Variants in CDH4 observed in about 807,000 individuals in gnomAD.
The protein encoded by CDH4 is cadherin 4, also known as cadherin-4.
A neutral mutation model predicts 86.0 loss-of-function variants in CDH4; 33 were observed. The observed-to-expected ratio is 0.38, with a 90% CI of 0.29 to 0.51. The LOEUF (loss-of-function observed/expected upper bound fraction) is 0.51. CDH4 is among the 20% of genes least tolerant of loss of function. The pLI is 0.86. For missense variants in CDH4, 1,114 were observed against 1,307.4 expected, an observed-to-expected ratio of 0.85 and a Z score of 2.28; for synonymous variants, 555 against 549.4, an observed-to-expected ratio of 1.01 and a Z score of -0.14.
intron 7 of CDH4, among the ~76,000 whole-genome samples, chr20:61,876,164 T>C (rs1984015775): frequency 6.6e-6 from 1 of 152,232 alleles, no homozygotes; most frequent in South Asian, 2.1e-4. Flanking sequence ...GGGTCAGGCC[T>C]GTGAGCGCCG....
chr20:61,933,691 G>A (rs547759694), intron 14 of CDH4, among the ~76,000 whole-genome samples: 10 of 143,724 alleles, frequency 7.0e-5, no homozygotes, highest in South Asian at 2.2e-4. Flanking sequence ...CGCCCCTCCC[G>A]CAACACGACC....
chr20:61,537,660 C>G (rs1407967774), intron 2 of CDH4, among the ~76,000 whole-genome samples: 2 of 152,214 alleles, frequency 1.3e-5, no homozygotes. Flanking sequence ...GCCCTCCCCA[C>G]TCACGAGGCG....
At chr20:61,889,943 A>G in intron 7 of CDH4, among the ~76,000 whole-genome samples, 2 of 136,496 alleles carry the variant, frequency 1.5e-5, no homozygotes, top group East Asian at 2.5e-4. Context: ...TGGATGAGTG[A>G]GTGGATGGTT....
intron 5 of CDH4, among the ~76,000 whole-genome samples, chr20:61,849,510 G>T (rs1387728725): frequency 6.6e-6 from 1 of 152,072 alleles, no homozygotes; most frequent in Non-Finnish European, 1.5e-5. Context: ...GGCCAGCCTG[G>T]GTGCTCCCCC....
chr20:61,325,036 C>T (rs1218619989), intron 2 of CDH4, among the ~76,000 whole-genome samples: 1 of 152,138 alleles, frequency 6.6e-6, no homozygotes, highest in Non-Finnish European at 1.5e-5. Flanking sequence ...GGGCGAGTCC[C>T]GTAACCTGCC....
intron 6 of CDH4, among the ~76,000 whole-genome samples, chr20:61,865,584 C>T (rs905252825): frequency 3.8e-5 from 5 of 130,642 alleles, no homozygotes; most frequent in African/African-American, 9.0e-5. Flanking sequence ...GATGATAGGT[C>T]GCTTCCTGGC....
intron 2 of CDH4, among the ~76,000 whole-genome samples, chr20:61,390,926 G>T (rs2084981971): frequency 6.6e-6 from 1 of 152,328 alleles, no homozygotes; most frequent in Admixed American, 6.5e-5. Flanking sequence ...CTTTTTCTTT[G>T]TATTGGCTTT....
intron 6 of CDH4, among the ~76,000 whole-genome samples, chr20:61,859,448 C>G (rs529098971): frequency 6.6e-6 from 1 of 152,354 alleles, no homozygotes; most frequent in East Asian, 1.9e-4. Flanking sequence ...GCTTCAGCAT[C>G]AAGTCTGAGA....
intron 2 of CDH4, among the ~76,000 whole-genome samples, chr20:61,561,167 T>A (rs1168266032): frequency 1.3e-5 from 2 of 151,946 alleles, no homozygotes; most frequent in Non-Finnish European, 2.9e-5. Flanking sequence ...GAATTCAGAA[T>A]TATCTCTTTT....
intron 2 of CDH4, among the ~76,000 whole-genome samples, chr20:61,706,330 C>T (rs1460176594): frequency 2.0e-5 from 3 of 152,060 alleles, no homozygotes; most frequent in Non-Finnish European, 4.4e-5. Flanking sequence ...GGATGAGAGA[C>T]CGGATACCCC....
At chr20:61,397,871 T>C (rs1198927473) in intron 2 of CDH4, among the ~76,000 whole-genome samples, 2 of 152,314 alleles carry the variant, frequency 1.3e-5, no homozygotes, top group East Asian at 1.9e-4. Flanking sequence ...ACTGAAACTT[T>C]AGCATGAACG....
At chr20:61,617,642 G>A (rs993208623) in intron 2 of CDH4, among the ~76,000 whole-genome samples, 2 of 152,244 alleles carry the variant, frequency 1.3e-5, no homozygotes, top group African/African-American at 4.8e-5. Flanking sequence ...CCTCTGACGT[G>A]AAAAGGTGAA....
intron 2 of CDH4, among the ~76,000 whole-genome samples, chr20:61,336,251 C>A (rs772337289): frequency 1.7e-4 from 26 of 151,910 alleles, no homozygotes; most frequent in Non-Finnish European, 3.4e-4. Context: ...CCTTTTTTTT[C>A]TTATCTATAC....
At chr20:61,332,340 C>T (rs988299698) in intron 2 of CDH4, among the ~76,000 whole-genome samples, 12 of 152,202 alleles carry the variant, frequency 7.9e-5, no homozygotes, top group Non-Finnish European at 1.2e-4. Flanking sequence ...CTAGAGAGTC[C>T]GGGAAACCCA....
At chr20:61,270,969 G>T (rs769372880) in intron 2 of CDH4, among the ~76,000 whole-genome samples, 1 of 152,124 alleles carries the variant, frequency 6.6e-6, no homozygotes, top group Non-Finnish European at 1.5e-5. Flanking sequence ...CGATCTAGCC[G>T]CCCTGACACA....
intron 2 of CDH4, among the ~76,000 whole-genome samples, chr20:61,619,542 G>A (rs1487863944): frequency 3.3e-5 from 5 of 152,162 alleles, no homozygotes; most frequent in Admixed American, 2.0e-4. Flanking sequence ...TGCTGGCCCC[G>A]GGCCACCCCT....
At chr20:61,595,284 G>A (rs578108109) in intron 2 of CDH4, among the ~76,000 whole-genome samples, 5 of 152,252 alleles carry the variant, frequency 3.3e-5, no homozygotes, top group Non-Finnish European at 5.9e-5. Context: ...CGGGAAGGAC[G>A]TGCATCTGGG....
intron 4 of CDH4, among the ~76,000 whole-genome samples, chr20:61,779,816 C>T (rs2145996516): frequency 6.6e-6 from 1 of 152,364 alleles, no homozygotes; most frequent in African/African-American, 2.4e-5. Flanking sequence ...CCGGAGACCC[C>T]TCTCTGGCCC....
chr20:61,415,998 C>A (rs1036598674), intron 2 of CDH4, among the ~76,000 whole-genome samples: 3 of 145,168 alleles, frequency 2.1e-5, no homozygotes, highest in Non-Finnish European at 4.5e-5. Context: ...CCATGCCTGG[C>A]CTCTCCTTCC....
Sources: allele counts gnomAD v4.1 joint callset (sites outside exome capture counted in the v4.1 genomes callset), GRCh38; gene constraint gnomAD v4.1.1; transcripts MANE v1.5; gene names NCBI Gene and HGNC (gene_info 2026-07-23, HGNC 2026-07-21).